PDCD1: variants seen among roughly 807,000 people sequenced by gnomAD.
PDCD1 encodes the protein programmed cell death 1.
Under a neutral mutation model 23.6 loss-of-function variants are expected in PDCD1, and 10 were observed. The ratio of observed to expected loss-of-function variants is 0.42; its 90% CI spans 0.26 to 0.72. PDCD1 has a LOEUF of 0.72. PDCD1 is among the 30% of genes least tolerant of loss of function. PDCD1 has a pLI of 0.24. For missense variants in PDCD1, 313 were observed against 397.8 expected (o/e 0.79, Z 1.81); for synonymous variants, 168 against 169.3 (o/e 0.99, Z 0.06).
rs543285683 is a variant in PDCD1 at position 241,856,052 on chromosome 2, G to A, written c.76+2711C>T. Among the ~76,000 whole-genome samples, 571 of 152,310 alleles carry A rather than the reference G, an allele frequency of 3.7e-3. 4 individuals are homozygous for A. The highest frequency in any genetic ancestry group is 6.8e-3 in the Middle Eastern group (2 of 294). The stretch of plus-strand genomic sequence containing the variant: ...CCTGGCTTCCTGTACAGAGTCACCC[G>A]TGCAGAGATGAAGGCAGAGCCTGGG... On this transcript the variant is annotated intron_variant, in intron 1 of 4. Coordinates refer to ENST00000334409, the MANE Select transcript of PDCD1 (RefSeq NM_005018.3).
At position 241,851,874 on chromosome 2, in the gene PDCD1, C is replaced by G. The variant is rs376754617; in HGVS notation, c.627+75G>C. ...TGTGAGTCCTGCAGGCCGTGTGGTC[C>G]CAGCCTGTCCTTCCACCTCTGCCCA... On this transcript the variant is annotated intron_variant, in intron 4 of 4. Coordinates refer to ENST00000334409, the MANE Select transcript of PDCD1 (RefSeq NM_005018.3). 1.4e-4 allele frequency: 192 copies of G among 1,405,510 alleles called. 1 individual carries two copies. The East Asian group carries it at 2.4e-3, about 18-fold the overall frequency. The allele number at this position is 1,405,510 out of a possible 1,614,324, so 87.1% of individuals were successfully genotyped here.
chr2:241,853,645 C>G (rs571930919), intron 1 of PDCD1, among the ~76,000 whole-genome samples: 18 of 152,272 alleles, frequency 1.2e-4, no homozygotes, highest in African/African-American at 4.1e-4. Context: ...CGACCCTGGG[C>G]TCCCAAGACA....
intron 2 of PDCD1, 102 bp from the exon 3 acceptor site, chr2:241,852,455 A>G: frequency 8.8e-7 from 1 of 1,137,504 alleles, no homozygotes; most frequent in Non-Finnish European, 1.2e-6. Context: ...CCAGAGCTAG[A>G]GGACAGAGAT....
intron 1 of PDCD1, among the ~76,000 whole-genome samples, chr2:241,856,306 C>G (rs1701026146): frequency 6.6e-6 from 1 of 152,202 alleles, no homozygotes; most frequent in Admixed American, 6.5e-5. Flanking sequence ...CTCCATCCTG[C>G]ACGTCCAGCC....
At chr2:241,857,783 C>T (rs970585610) in intron 1 of PDCD1, among the ~76,000 whole-genome samples, 8 of 152,192 alleles carry the variant, frequency 5.3e-5, no homozygotes, top group South Asian at 2.1e-4. Flanking sequence ...GCAGGAGCCT[C>T]GAGGGGGTGT....
At chr2:241,855,046 C>T (rs1433569731) in intron 1 of PDCD1, among the ~76,000 whole-genome samples, 1 of 152,216 alleles carries the variant, frequency 6.6e-6, no homozygotes. Flanking sequence ...ACAGGCTCAA[C>T]CCTTTTCCTG....
In PDCD1 at chr2:241,855,904, C is replaced by T. The variant is rs1162486961; in HGVS notation, c.76+2859G>A. On this transcript the variant is annotated intron_variant, in intron 1 of 4. Transcript: ENST00000334409. ...GGCTGTGGGCCGAACCGTGTCCCCA[C>T]AGATTCCTATGTGGAAGTCCTAACC... 2.0e-5 allele frequency among the ~76,000 whole-genome samples: 3 copies of T among 152,164 alleles called. No individual in the cohort carries two copies. The East Asian group carries it at 5.8e-4, about 29-fold the overall frequency.
Position 241,850,927 on chromosome 2 carries a change from G to A in PDCD1, c.*131C>T, listed in dbSNP as rs372852820. On this transcript the variant is annotated 3_prime_UTR_variant, in exon 5 of 5. Coordinates refer to ENST00000334409, the MANE Select transcript of PDCD1 (RefSeq NM_005018.3). ...TGGTGCAGGTGCAGGCTGGAGCCCC[G>A]GTCGCCCCCAGGCAGCTCAGCCCCT... The A allele has an allele frequency of 2.9e-5, 34 of 1,189,732 alleles. No homozygotes were observed. The East Asian group carries it at 3.1e-4, about 11-fold the overall frequency. The allele number at this position is 1,189,732 out of a possible 1,614,324, so 73.7% of individuals were successfully genotyped here.
In PDCD1 at chr2:241,850,923, C is replaced by T. The variant is rs1258485037; in HGVS notation, c.*135G>A. The T allele has an allele frequency of 3.5e-6, 4 of 1,127,830 alleles. No individual in the cohort carries two copies. The highest frequency in any genetic ancestry group is 5.5e-5 in the Admixed American group (2 of 36,682). 69.9% of individuals were successfully genotyped at this position (1,127,830 alleles called of 1,614,324 possible). A position where few individuals can be genotyped will look rare whatever the true frequency, so the allele number is the denominator to read the frequency against. On this transcript the variant is annotated 3_prime_UTR_variant, in exon 5 of 5. Transcript: ENST00000334409. ...TGCCTGGTGCAGGTGCAGGCTGGAG[C>T]CCCGGTCGCCCCCAGGCAGCTCAGC...
intron 4 of PDCD1, among the ~76,000 whole-genome samples, chr2:241,851,631 C>T (rs1224275795): frequency 6.6e-6 from 1 of 151,832 alleles, no homozygotes; most frequent in Admixed American, 6.5e-5. Flanking sequence ...GCCGGGCACA[C>T]CTGGAGACCG....
chr2:241,853,133 G>T (rs751530723), intron 1 of PDCD1, among the ~76,000 whole-genome samples, 153 bp from the exon 2 acceptor site: 1 of 152,254 alleles, frequency 6.6e-6, no homozygotes, highest in Non-Finnish European at 1.5e-5. Context: ...TGCCACCCGG[G>T]GATGGGCACT....
At chr2:241,853,539 A>G (rs1364308999) in intron 1 of PDCD1, among the ~76,000 whole-genome samples, 1 of 152,228 alleles carries the variant, frequency 6.6e-6, no homozygotes, top group Non-Finnish European at 1.5e-5. Context: ...GGGCCTCCAC[A>G]TTTTCCAGCA....
chr2:241,850,838 G>C lies in PDCD1; in HGVS notation c.*220C>G. On this transcript the variant is annotated 3_prime_UTR_variant, in exon 5 of 5. Transcript: ENST00000334409. ...CATCTGGCCCTCCCTGTAGGGGACG[G>C]TGACACCTGCTGCCTGGGCTCACTG... is the stretch of plus-strand genomic sequence containing the variant. The C allele has an allele frequency of 6.3e-6, 4 of 630,360 alleles. No individual in the cohort carries two copies. Among genetic ancestry groups the C allele is most frequent in the Non-Finnish European group, 1.1e-5 (4 of 357,640 alleles). 39.0% of individuals were successfully genotyped at this position (630,360 alleles called of 1,614,324 possible). A position where few individuals can be genotyped will look rare whatever the true frequency, so the allele number is the denominator to read the frequency against.
chr2:241,851,904 G>A, intron 4 of PDCD1, 45 bp downstream of exon 4: 1 of 1,591,578 alleles, frequency 6.3e-7, no homozygotes, highest in Non-Finnish European at 8.6e-7. Context: ...TGCCCACCCA[G>A]GAAGGAAGGC....
chr2:241,857,208 A>C (rs1001218796), intron 1 of PDCD1, among the ~76,000 whole-genome samples: 1 of 152,230 alleles, frequency 6.6e-6, no homozygotes, highest in African/African-American at 2.4e-5. Context: ...AATGAAGACC[A>C]CTGCGGCCGG....
intron 1 of PDCD1, among the ~76,000 whole-genome samples, chr2:241,853,960 G>C (rs772899350): frequency 6.6e-6 from 1 of 152,240 alleles, no homozygotes; most frequent in Non-Finnish European, 1.5e-5. Flanking sequence ...CCACAGCTGC[G>C]GTCCCTCTGC....
intron 1 of PDCD1, among the ~76,000 whole-genome samples, chr2:241,856,550 A>T (rs555288134): frequency 1.3e-5 from 2 of 152,234 alleles, no homozygotes; most frequent in South Asian, 4.1e-4. Flanking sequence ...AATATGTGTC[A>T]TGGAGGCCAG....
At chr2:241,853,533 C>T (rs1395271443) in intron 1 of PDCD1, among the ~76,000 whole-genome samples, 2 of 152,266 alleles carry the variant, frequency 1.3e-5, no homozygotes, top group Non-Finnish European at 2.9e-5. Flanking sequence ...GCAGTGGGGC[C>T]TCCACATTTT....
At chr2:241,855,866 T>C (rs6710479) in intron 1 of PDCD1, among the ~76,000 whole-genome samples, 77,819 of 151,930 alleles carry the variant, frequency 0.51, 20,622 homozygotes, top group Middle Eastern at 0.63. Context: ...TGTGTGTGTG[T>C]GGAGGTGGGA....
Sources: gnomAD v4.1 joint callset for allele counts (sites outside exome capture counted in the v4.1 genomes callset) on GRCh38, gnomAD v4.1.1 for gene constraint, MANE v1.5 for transcripts, NCBI Gene and HGNC (gene_info 2026-07-23, HGNC 2026-07-21) for gene names.